MYO5A: variants seen among roughly 807,000 people sequenced by gnomAD.
The protein encoded by MYO5A is myosin VA.
A neutral mutation model predicts 249.7 loss-of-function variants in MYO5A; 98 were observed. The ratio of observed to expected loss-of-function variants is 0.39; its 90% CI spans 0.33 to 0.46. The LOEUF is 0.46. Ranked by LOEUF, MYO5A falls within the 20% of genes least tolerant of loss-of-function variation. MYO5A has a pLI of 0.98. For missense variants in MYO5A, 1,696 were observed against 2,308.8 expected (o/e 0.73, Z 5.44); for synonymous variants, 778 against 810.6 (o/e 0.96, Z 0.68).
At chr15:52,339,081 A>G (rs963077734) in intron 32 of MYO5A, among the ~76,000 whole-genome samples, 2 of 152,192 alleles carry the variant, frequency 1.3e-5, no homozygotes, top group Non-Finnish European at 2.9e-5. Context: ...AAGAGCCCAC[A>G]CACTGCCCCC....
At chr15:52,375,725 A>G (rs889092459) in intron 19 of MYO5A, among the ~76,000 whole-genome samples, 4 of 152,236 alleles carry the variant, frequency 2.6e-5, no homozygotes, top group African/African-American at 7.2e-5. Flanking sequence ...GCCAGATTTT[A>G]CAAGAAAGCA....
At chr15:52,462,179 T>C (rs2076265296) in intron 1 of MYO5A, among the ~76,000 whole-genome samples, 1 of 150,504 alleles carries the variant, frequency 6.6e-6, no homozygotes, top group Non-Finnish European at 1.5e-5. Context: ...GGCAGGAGAA[T>C]GGCGTGAACC....
At chr15:52,374,764 T>A (rs2041314127) in intron 20 of MYO5A, among the ~76,000 whole-genome samples, 1 of 152,246 alleles carries the variant, frequency 6.6e-6, no homozygotes, top group Non-Finnish European at 1.5e-5. Context: ...CTTGATTTTG[T>A]CCCATTGATA....
chr15:52,336,399 C>T, intron 34 of MYO5A, 64 bp downstream of exon 34: 1 of 1,085,894 alleles, frequency 9.2e-7, no homozygotes, highest in East Asian at 2.5e-5. Context: ...CTTATATAGC[C>T]TAGTCTTTAA....
At chr15:52,435,710 T>C in intron 1 of MYO5A, 1 of 448,928 alleles carries the variant, frequency 2.2e-6, no homozygotes, top group South Asian at 1.6e-5. Context: ...GGGACTGATA[T>C]AAGGTTATTA....
intron 2 of MYO5A, among the ~76,000 whole-genome samples, chr15:52,431,254 G>C (rs2075528688): frequency 1.2e-4 from 2 of 17,390 alleles, no homozygotes; most frequent in South Asian, 4.0e-3. Context: ...AAAGTCTAGT[G>C]CAGTAGCTGA....
chr15:52,357,659 C>T (rs1328972816), intron 25 of MYO5A, among the ~76,000 whole-genome samples: 1 of 152,022 alleles, frequency 6.6e-6, no homozygotes, highest in South Asian at 2.1e-4. Flanking sequence ...AGAGTGCTCC[C>T]GATGGTACCC....
intron 1 of MYO5A, among the ~76,000 whole-genome samples, chr15:52,494,992 C>T (rs1044382635): frequency 6.6e-6 from 1 of 152,120 alleles, no homozygotes; most frequent in Non-Finnish European, 1.5e-5. Flanking sequence ...CTTCTACTAT[C>T]TACAAGTTTC....
rs3079001 is a variant in MYO5A, at chr15:52,311,939, A to ATTTGTCATT, written c.*1756_*1757insAATGACAAA. On this transcript the variant is annotated 3_prime_UTR_variant, in exon 42 of 42. Coordinates refer to ENST00000399233, the MANE Select transcript of MYO5A (RefSeq NM_001382347.1). ...TAAATATTGCACATATTTTAATAAG[A>ATTTGTCATT]TTTATAGACCATCTAACAGTTAAAT... 149,108 of 152,628 alleles carry ATTTGTCATT rather than the reference A, an allele frequency of 0.98. 72,936 individuals carry two copies. The highest frequency in any genetic ancestry group is 1 in the Middle Eastern group (294 of 294). The allele number at this position is 152,628 out of a possible 1,614,324, so 9.5% of individuals were successfully genotyped here. A position where few individuals can be genotyped will look rare whatever the true frequency, so the allele number is the denominator to read the frequency against.
chr15:52,466,409 T>C (rs2141432397), intron 1 of MYO5A, among the ~76,000 whole-genome samples: 1 of 152,216 alleles, frequency 6.6e-6, no homozygotes, highest in East Asian at 1.9e-4. Context: ...CAGAGAGGTG[T>C]AGTATTGAGC....
chr15:52,388,582 T>C (rs2042070187), intron 13 of MYO5A, among the ~76,000 whole-genome samples: 1 of 152,188 alleles, frequency 6.6e-6, no homozygotes, highest in African/African-American at 2.4e-5. Context: ...GGAGACCCTG[T>C]GAAACTTACC....
In MYO5A at chr15:52,364,517, T is replaced by C. The variant is rs769351234; in HGVS notation, c.3309+37A>G. 12 of 1,585,234 alleles carry C rather than the reference T, an allele frequency of 7.6e-6. No homozygotes were observed. In the Admixed American group the frequency reaches 1.9e-4, roughly 25 times the overall value. On this transcript the variant is annotated intron_variant, in intron 24 of 41. Transcript: ENST00000399233. ...TATTTACTTTTGTATATGTTTAAAA[T>C]TTTTCATTAAAAAAAAAACAAAAGT... is the stretch of plus-strand genomic sequence containing the variant.
intron 22 of MYO5A, 37 bp from the exon 23 acceptor site, chr15:52,367,161 GGAC>G: frequency 6.4e-7 from 1 of 1,555,342 alleles, no homozygotes; most frequent in Non-Finnish European, 8.9e-7. Context: ...TGGTTGCAAT[GGAC>G]AGAGGAAGCC....
chr15:52,355,500 C>T (rs558706350), intron 25 of MYO5A, among the ~76,000 whole-genome samples: 1 of 152,308 alleles, frequency 6.6e-6, no homozygotes, highest in Non-Finnish European at 1.5e-5. Context: ...GACATAAAGC[C>T]CAGCCTTGGC....
intron 16 of MYO5A, among the ~76,000 whole-genome samples, chr15:52,381,535 T>C (rs530721001): frequency 1.3e-5 from 2 of 152,138 alleles, no homozygotes; most frequent in Admixed American, 1.3e-4. Flanking sequence ...CAGACAAATA[T>C]ACAAAAATGT....
intron 1 of MYO5A, among the ~76,000 whole-genome samples, chr15:52,446,402 T>C (rs1201575449): frequency 6.6e-6 from 1 of 152,230 alleles, no homozygotes; most frequent in South Asian, 2.1e-4. Flanking sequence ...TGAAGAACGT[T>C]TGGCAGCCTC....
chr15:52,440,253 ATCTTTTTTTTTTCTTTT>A (rs540926425), intron 1 of MYO5A, among the ~76,000 whole-genome samples: 2,077 of 150,122 alleles, frequency 0.014, 30 homozygotes, highest in Middle Eastern at 0.042. Context: ...GGCACCAGCC[ATCTTTTTTTTTTCTTTT>A]TCTTTTTTTT....
intron 19 of MYO5A, 52 bp from the exon 20 acceptor site, chr15:52,375,512 A>G: frequency 6.3e-7 from 1 of 1,590,494 alleles, no homozygotes; most frequent in Non-Finnish European, 8.6e-7. Flanking sequence ...AAAATGCAGG[A>G]ATACATATTA....
In MYO5A at chr15:52,490,101, G is replaced by A. The variant is rs150925767; in HGVS notation, c.27+38679C>T. 4.5e-4 allele frequency among the ~76,000 whole-genome samples: 69 copies of A among 152,262 alleles called. 1 individual carries two copies. In the East Asian group the frequency reaches 7.1e-3, roughly 16 times the overall value. On this transcript the variant is annotated intron_variant, in intron 1 of 41. Coordinates refer to ENST00000399233, the MANE Select transcript of MYO5A (RefSeq NM_001382347.1). ...GGACAGGATGTGGAGAAATTAGAAC[G>A]ATTGTGCCCTGGAGAAATTAGAACC...
Sources: allele counts gnomAD v4.1 joint callset (sites outside exome capture counted in the v4.1 genomes callset), GRCh38; gene constraint gnomAD v4.1.1; transcripts MANE v1.5; gene names NCBI Gene and HGNC (gene_info 2026-07-23, HGNC 2026-07-21).